The following CCDC172 variants were observed in gnomAD, a reference collection of about 807,000 sequenced individuals.
CCDC172 encodes the protein coiled-coil domain containing 172.
Under a neutral mutation model 38.0 loss-of-function variants are expected in CCDC172, and 30 were observed. The ratio of observed to expected loss-of-function variants is 0.79; its 90% confidence interval spans 0.59 to 1.07. The LOEUF is 1.07. Ranked by LOEUF, CCDC172 falls within the 50% of genes least tolerant of loss-of-function variation. CCDC172 has a pLI of 0.00. For synonymous variants in CCDC172, 78 were observed against 88.3 expected (o/e 0.88, Z 0.66); for missense variants, 297 against 290.1 (o/e 1.02, Z -0.17).
intron 7 of CCDC172, among the ~76,000 whole-genome samples, chr10:116,374,375 G>C (rs1483235482): frequency 2.0e-5 from 3 of 152,054 alleles, no homozygotes; most frequent in African/African-American, 7.2e-5. Context: ...TTGAGAGAGA[G>C]ACCACATTCA....
intron 5 of CCDC172, among the ~76,000 whole-genome samples, chr10:116,349,678 A>C (rs962025367): frequency 6.6e-6 from 1 of 152,220 alleles, no homozygotes; most frequent in Non-Finnish European, 1.5e-5. Context: ...TTGTTCACTC[A>C]TTCAGTAATA....
At chr10:116,353,389 C>T (rs1844956722) in intron 5 of CCDC172, among the ~76,000 whole-genome samples, 1 of 152,094 alleles carries the variant, frequency 6.6e-6, no homozygotes, top group Admixed American at 6.5e-5. Flanking sequence ...ATAAATTGGA[C>T]TTCATCAAAG....
chr10:116,360,144 A>G (rs1392871492), intron 7 of CCDC172, among the ~76,000 whole-genome samples: 3 of 152,240 alleles, frequency 2.0e-5, no homozygotes, highest in East Asian at 3.8e-4. Flanking sequence ...GAATATTGCT[A>G]TGATTTACAC....
chr10:116,341,040 C>T (rs913049777), intron 4 of CCDC172, among the ~76,000 whole-genome samples, 190 bp downstream of exon 4: 1 of 151,788 alleles, frequency 6.6e-6, no homozygotes, highest in Non-Finnish European at 1.5e-5. Context: ...AGTATATGGG[C>T]AGGGATGTAA....
chr10:116,336,671 C>G (rs889710689), intron 3 of CCDC172, among the ~76,000 whole-genome samples: 3 of 151,722 alleles, frequency 2.0e-5, no homozygotes, highest in African/African-American at 7.3e-5. Context: ...AAATTTTCTA[C>G]GTAACTCTTA....
At chr10:116,332,369 T>C (rs1031441307) in intron 3 of CCDC172, among the ~76,000 whole-genome samples, 2 of 152,216 alleles carry the variant, frequency 1.3e-5, no homozygotes, top group Non-Finnish European at 2.9e-5. Flanking sequence ...ATAAAACTCT[T>C]CAATGCCTCA....
At chr10:116,339,138 T>C (rs1174818142) in intron 3 of CCDC172, among the ~76,000 whole-genome samples, 2 of 152,016 alleles carry the variant, frequency 1.3e-5, no homozygotes, top group Non-Finnish European at 2.9e-5. Flanking sequence ...TATTTTCAAC[T>C]CACCATCACA....
intron 5 of CCDC172, among the ~76,000 whole-genome samples, chr10:116,351,500 G>A (rs1332429222): frequency 3.3e-5 from 5 of 152,184 alleles, no homozygotes; most frequent in African/African-American, 9.7e-5. Flanking sequence ...GCACTGTTCA[G>A]AAATTGGGAT....
chr10:116,338,320 C>T (rs1434620681), intron 3 of CCDC172, among the ~76,000 whole-genome samples: 9 of 151,858 alleles, frequency 5.9e-5, no homozygotes, highest in South Asian at 2.1e-4. Context: ...ATTAATGTAC[C>T]GTAATCTTTC....
intron 4 of CCDC172, among the ~76,000 whole-genome samples, chr10:116,341,111 C>G (rs900420839): frequency 5.9e-5 from 9 of 151,912 alleles, no homozygotes; most frequent in African/African-American, 2.2e-4. Flanking sequence ...ATTTGAATTG[C>G]TCAAGCATTG....
chr10:116,337,971 A>G (rs979806912), intron 3 of CCDC172, among the ~76,000 whole-genome samples: 83 of 152,230 alleles, frequency 5.5e-4, no homozygotes, highest in Admixed American at 2.8e-3. Context: ...AACCATCTGA[A>G]ACATTCTACG....
At chr10:116,329,930 G>C (rs959080706) in intron 3 of CCDC172, among the ~76,000 whole-genome samples, 2 of 152,086 alleles carry the variant, frequency 1.3e-5, no homozygotes, top group African/African-American at 4.8e-5. Context: ...TATTGTGTAC[G>C]ATCACATGGG....
intron 7 of CCDC172, among the ~76,000 whole-genome samples, chr10:116,360,639 A>C (rs1845051213): frequency 6.6e-6 from 1 of 152,074 alleles, no homozygotes; most frequent in Non-Finnish European, 1.5e-5. Flanking sequence ...GAGGAGTGAC[A>C]CAGTCTGATC....
Position 116,340,794 on chromosome 10 carries a change from T to A in CCDC172, c.226T>A (p.Leu76Ile). 1.9e-6 allele frequency: 3 copies of A among 1,606,884 alleles called. No homozygotes were observed. The highest frequency in any genetic ancestry group is 2.6e-6 in the Non-Finnish European group (3 of 1,175,800). ...LQLLKAHENALEKQYSEITNH... is the reference protein window; with the variant it reads ...LQLLKAHENAIEKQYSEITNH... ...GCTTTTGAAAGCTCATGAAAATGCTTTAGAAAAACAGTACAGTGAAATTAC... is the reference window on the plus strand; with the variant it reads ...GCTTTTGAAAGCTCATGAAAATGCTATAGAAAAACAGTACAGTGAAATTAC... Residue 76 changes from leucine to isoleucine, a missense_variant, in exon 4 of 9, where the codon TTA (leucine) becomes ATA (isoleucine). Coordinates refer to ENST00000333254, the MANE Select transcript of CCDC172 (RefSeq NM_198515.3).
chr10:116,336,224 T>C (rs1013602641), intron 3 of CCDC172, among the ~76,000 whole-genome samples: 8 of 148,392 alleles, frequency 5.4e-5, no homozygotes, highest in Middle Eastern at 3.6e-3. Context: ...ATTATACATG[T>C]ATTATATTTT....
intron 5 of CCDC172, 29 bp downstream of exon 5, chr10:116,342,230 T>C: frequency 6.6e-7 from 1 of 1,504,746 alleles, no homozygotes; most frequent in Non-Finnish European, 8.8e-7. Flanking sequence ...TCATTTGTCT[T>C]GCATTAATGA....
At chr10:116,341,272 A>T (rs1160612784) in intron 4 of CCDC172, among the ~76,000 whole-genome samples, 1 of 152,060 alleles carries the variant, frequency 6.6e-6, no homozygotes. Context: ...GGGCCAATTT[A>T]GAAATATGAC....
intron 5 of CCDC172, among the ~76,000 whole-genome samples, chr10:116,343,898 C>T (rs1844831728): frequency 6.6e-6 from 1 of 152,102 alleles, no homozygotes; most frequent in Non-Finnish European, 1.5e-5. Flanking sequence ...CTTTTTAATT[C>T]ACATGCTAGA....
At chr10:116,368,308 A>G (rs1408015979) in intron 7 of CCDC172, among the ~76,000 whole-genome samples, 1 of 152,074 alleles carries the variant, frequency 6.6e-6, no homozygotes, top group Non-Finnish European at 1.5e-5. Flanking sequence ...TCCTCCTTGA[A>G]TCAGTTATTA....
Sources: allele counts gnomAD v4.1 joint callset (sites outside exome capture counted in the v4.1 genomes callset), GRCh38; gene constraint gnomAD v4.1.1; transcripts MANE v1.5; gene names NCBI Gene and HGNC (gene_info 2026-07-23, HGNC 2026-07-21).